The following B3GNT2 variants were observed in gnomAD, a reference collection of about 807,000 sequenced individuals.
B3GNT2 encodes the protein UDP-GlcNAc:betaGal beta-1,3-N-acetylglucosaminyltransferase 2.
B3GNT2 carries 12 observed loss-of-function variants against 27.6 expected under a neutral mutation model. The observed-to-expected ratio is 0.44, with a 90% CI of 0.28 to 0.71. The LOEUF (loss-of-function observed/expected upper bound fraction) is 0.71. B3GNT2 is among the 30% of genes least tolerant of loss of function. The probability of loss-of-function intolerance (pLI) is 0.17; values close to 1 mark genes in which losing one functional copy is unlikely to be tolerated. For missense variants in B3GNT2, 413 were observed against 488.5 expected, an observed-to-expected ratio of 0.85 and a Z score of 1.46; for synonymous variants, 192 against 189.7, an observed-to-expected ratio of 1.01 and a Z score of -0.10.
At chr2:62,197,084 C>G (rs916101337) in intron 1 of B3GNT2, among the ~76,000 whole-genome samples, 4 of 146,618 alleles carry the variant, frequency 2.7e-5, no homozygotes, top group African/African-American at 1.0e-4. Flanking sequence ...GCTGCTAGCC[C>G]GAGTCGTGGG....
rs914422761 is a variant in B3GNT2 at position 62,196,348 on chromosome 2, C to G, written c.-17C>G. ...CGCCCCGCCGAGCTGGAGCTGCTCCCGGACAAGGTAGGGCCCGGGCGCCGA... is the reference window on the plus strand; with the variant it reads ...CGCCCCGCCGAGCTGGAGCTGCTCCGGGACAAGGTAGGGCCCGGGCGCCGA... On this transcript the variant is annotated 5_prime_UTR_variant, in exon 1 of 2. Coordinates refer to ENST00000301998, the MANE Select transcript of B3GNT2 (RefSeq NM_006577.6). 4 of 152,442 alleles carry G rather than the reference C, an allele frequency of 2.6e-5. No homozygotes were observed. The highest frequency in any genetic ancestry group is 4.4e-5 in the Non-Finnish European group (3 of 68,310). The allele number at this position is 152,442 out of a possible 1,614,324, so 9.4% of individuals were successfully genotyped here. A position where few individuals can be genotyped will look rare whatever the true frequency, so the allele number is the denominator to read the frequency against.
chr2:62,196,880 G>T (rs1041057252), intron 1 of B3GNT2, among the ~76,000 whole-genome samples: 2 of 151,974 alleles, frequency 1.3e-5, no homozygotes, highest in Non-Finnish European at 2.9e-5. Flanking sequence ...CCGGCCTCCC[G>T]TGCCGCATGG....
rs530600752 is a variant in B3GNT2 at position 62,222,463 on chromosome 2, G to A, written c.243G>A (p.Thr81=). The A allele has an allele frequency of 5.4e-5, 87 of 1,614,080 alleles. No homozygotes were observed. Among genetic ancestry groups the A allele is most frequent in the South Asian group, 2.7e-4 (25 of 91,066 alleles). Residue 81 remains threonine (T), a synonymous_variant, in exon 2 of 2, where the codon ACG becomes ACA. Coordinates refer to ENST00000301998, the MANE Select transcript of B3GNT2 (RefSeq NM_006577.6). This position sits in a 1 kb window ranked among gnomAD's most constrained non-coding sequence, Gnocchi z 4.2. ...TCCTGAGCATGCTGACCAACCAGAC[G>A]GGGGAGGCGGGCAGGCTCTCCAATA... ...NPILSMLTNQ[T]GEAGRLSNIS... is the part of the protein sequence containing the mutation.
At chr2:62,221,707 C>T (rs1031349585) in intron 1 of B3GNT2, 7 of 372,882 alleles carry the variant, frequency 1.9e-5, no homozygotes, top group Non-Finnish European at 3.7e-5. Flanking sequence ...TGACATGGAA[C>T]TGCACACAAT....
chr2:62,222,816 A>C lies in B3GNT2; in HGVS notation c.596A>C (p.Lys199Thr). 4 of 1,614,166 alleles carry C rather than the reference A, an allele frequency of 2.5e-6. No homozygotes were observed. Among genetic ancestry groups the C allele is most frequent in the Non-Finnish European group, 3.4e-6 (4 of 1,180,024 alleles). The change falls in exon 2 of 2, where the codon AAA (lysine) becomes ACA (threonine). Residue 199 changes from lysine (K) to threonine (T), a missense_variant. Transcript: ENST00000301998. This position sits in a 1 kb window ranked among gnomAD's most constrained non-coding sequence, Gnocchi z 4.2. ...DNHPDLSDMLKFESEKHQDIL... is the reference protein window; with the variant it reads ...DNHPDLSDMLTFESEKHQDIL... ...CACCCCGACCTTTCAGATATGCTGAAATTTGAGAGTGAGAAGCACCAAGAC... is the reference window on the plus strand; with the variant it reads ...CACCCCGACCTTTCAGATATGCTGACATTTGAGAGTGAGAAGCACCAAGAC...
intron 1 of B3GNT2, among the ~76,000 whole-genome samples, chr2:62,216,465 G>C (rs1674574783): frequency 1.3e-5 from 2 of 151,652 alleles, no homozygotes; most frequent in Admixed American, 1.3e-4. Context: ...GAGTACGGTG[G>C]TACAATCTCA....
Position 62,222,049 on chromosome 2 carries a change from T to C in B3GNT2, c.-9-163T>C, listed in dbSNP as rs949131106. ...AGACAGGGACTATCCCACTTGCCCA[T>C]GATCACAAAGCTAGAAAGGAAGGGC... On this transcript the variant is annotated intron_variant, in intron 1 of 1. Transcript: ENST00000301998. This position sits in a 1 kb window ranked among gnomAD's most constrained non-coding sequence, Gnocchi z 4.2. 1.3e-5 allele frequency among the ~76,000 whole-genome samples: 2 copies of C among 152,188 alleles called. No individual in the cohort carries two copies. Among genetic ancestry groups the C allele is most frequent in the Non-Finnish European group, 2.9e-5 (2 of 68,030 alleles).
intron 1 of B3GNT2, among the ~76,000 whole-genome samples, chr2:62,205,090 G>A (rs935107001): frequency 6.6e-6 from 1 of 152,210 alleles, no homozygotes; most frequent in Non-Finnish European, 1.5e-5. Flanking sequence ...TTGGAAGCCC[G>A]TGGCACTGGG....
intron 1 of B3GNT2, chr2:62,221,683 A>G: frequency 3.0e-6 from 1 of 336,038 alleles, no homozygotes; most frequent in Non-Finnish European, 5.8e-6. Flanking sequence ...AATAGAAGAG[A>G]ACTTGAGAGT....
intron 1 of B3GNT2, among the ~76,000 whole-genome samples, chr2:62,199,375 T>A (rs1674218378): frequency 6.6e-6 from 1 of 152,266 alleles, no homozygotes; most frequent in African/African-American, 2.4e-5. Flanking sequence ...ATGGATGTAG[T>A]ATTTGACTGT....
intron 1 of B3GNT2, among the ~76,000 whole-genome samples, chr2:62,197,006 G>C (rs1214871695): frequency 6.6e-6 from 1 of 151,820 alleles, no homozygotes; most frequent in Non-Finnish European, 1.5e-5. Flanking sequence ...GCCAAACTTA[G>C]GGAAAACCTT....
chr2:62,214,950 C>A (rs1674545402), intron 1 of B3GNT2, among the ~76,000 whole-genome samples: 1 of 152,176 alleles, frequency 6.6e-6, no homozygotes, highest in African/African-American at 2.4e-5. Context: ...AAAGGCAGGG[C>A]AGAATGGCCT....
chr2:62,198,750 G>A (rs2104179778), intron 1 of B3GNT2, among the ~76,000 whole-genome samples: 1 of 152,206 alleles, frequency 6.6e-6, no homozygotes, highest in East Asian at 1.9e-4. Flanking sequence ...TAGGAAAGTA[G>A]AACTGATAAT....
Position 62,222,737 on chromosome 2 carries a change from A to T in B3GNT2, c.517A>T (p.Asn173Tyr). 6.2e-7 allele frequency: 1 copy of T among 1,614,220 alleles called. No homozygotes were observed. Among genetic ancestry groups the T allele is most frequent in the South Asian group, 1.1e-5 (1 of 91,084 alleles). ...ESWGQESNAG[N>Y]QTVVRVFLLG... ...CTGGGGCCAAGAAAGCAACGCAGGG[A>T]ACCAAACGGTGGTGCGAGTCTTCCT... The change falls in exon 2 of 2, where the codon AAC becomes TAC. Residue 173 changes from asparagine (N) to tyrosine (Y), a missense_variant. Transcript: ENST00000301998. This position sits in a 1 kb window ranked among gnomAD's most constrained non-coding sequence, Gnocchi z 4.2.
chr2:62,208,208 C>T (rs1240978815), intron 1 of B3GNT2, among the ~76,000 whole-genome samples: 2 of 150,162 alleles, frequency 1.3e-5, no homozygotes, highest in Admixed American at 6.6e-5. Flanking sequence ...TTCCTCCTTC[C>T]TTCCCCCCTT....
At chr2:62,203,548 C>G (rs1257776334) in intron 1 of B3GNT2, among the ~76,000 whole-genome samples, 1 of 152,020 alleles carries the variant, frequency 6.6e-6, no homozygotes, top group African/African-American at 2.4e-5. Flanking sequence ...GACATGGTGG[C>G]CAGCAGTATT....
At chr2:62,200,585 T>C (rs954236938) in intron 1 of B3GNT2, among the ~76,000 whole-genome samples, 22 of 152,238 alleles carry the variant, frequency 1.4e-4, no homozygotes, top group Non-Finnish European at 1.5e-5. Flanking sequence ...ATGTATAACA[T>C]GCAGTAAAGT....
At chr2:62,217,581 G>A (rs1674600702) in intron 1 of B3GNT2, among the ~76,000 whole-genome samples, 1 of 152,238 alleles carries the variant, frequency 6.6e-6, no homozygotes, top group Non-Finnish European at 1.5e-5. Flanking sequence ...CCTCTATGCA[G>A]CACTGTAGGG....
chr2:62,201,852 A>T (rs887804692), intron 1 of B3GNT2, among the ~76,000 whole-genome samples: 4 of 152,198 alleles, frequency 2.6e-5, no homozygotes, highest in African/African-American at 7.2e-5. Flanking sequence ...CTTTATGGAA[A>T]TTTAAAACAA....
Sources: allele counts gnomAD v4.1 joint callset (sites outside exome capture counted in the v4.1 genomes callset), GRCh38; gene constraint gnomAD v4.1.1; non-coding constraint Gnocchi (gnomAD v3.1); transcripts MANE v1.5; gene names NCBI Gene and HGNC (gene_info 2026-07-23, HGNC 2026-07-21).